GALNT18: variants seen among roughly 807,000 people sequenced by gnomAD.
GALNT18 encodes GalNAc-transferase 18.
Under a neutral mutation model 69.5 loss-of-function variants are expected in GALNT18, and 44 were observed. That is an observed-to-expected ratio of 0.63 (90% CI 0.50 to 0.81). The LOEUF (loss-of-function observed/expected upper bound fraction) is 0.81, where lower values mean the gene tolerates loss of function less well. Among genes scored for constraint, GALNT18 ranks in the 40% least tolerant of loss-of-function variants. GALNT18 has a pLI of 0.00. For missense variants in GALNT18, 715 were observed against 810.0 expected, an observed-to-expected ratio of 0.88 and a Z score of 1.42; for synonymous variants, 364 against 318.2, an observed-to-expected ratio of 1.14 and a Z score of -1.53.
rs112983916 is a variant in GALNT18 at position 11,514,166 on chromosome 11, G to A, written c.236-65230C>T. Among the ~76,000 whole-genome samples, 1,312 of 152,344 alleles carry A rather than the reference G, an allele frequency of 8.6e-3. 23 individuals are homozygous for A. The highest frequency in any genetic ancestry group is 0.03 in the African/African-American group (1,245 of 41,570). ...CCACATCACAGAAGAGGAAACTGAG[G>A]CTCAGAAACATGAAGTCACTTATCT... On this transcript the variant is annotated intron_variant, in intron 1 of 10. Transcript: ENST00000227756.
intron 2 of GALNT18, among the ~76,000 whole-genome samples, chr11:11,447,599 A>C (rs1334793715): frequency 6.6e-6 from 1 of 152,222 alleles, no homozygotes; most frequent in Admixed American, 6.5e-5. Flanking sequence ...ACAGTTCTGC[A>C]TGGCTGGGGA....
chr11:11,462,767 A>G (rs1462583925), intron 1 of GALNT18, among the ~76,000 whole-genome samples: 1 of 152,208 alleles, frequency 6.6e-6, no homozygotes, highest in Non-Finnish European at 1.5e-5. Flanking sequence ...ACCTGAAGTC[A>G]CACAGCCAGG....
At position 11,620,604 on chromosome 11, in the gene GALNT18, C is replaced by T. The variant is rs1211588772; in HGVS notation, c.235+755G>A. Among the ~76,000 whole-genome samples, 1 of 152,178 alleles carries T rather than the reference C, an allele frequency of 6.6e-6. No individual in the cohort carries two copies. The highest frequency in any genetic ancestry group is 1.5e-5 in the Non-Finnish European group (1 of 68,036). On this transcript the variant is annotated intron_variant, in intron 1 of 10. Coordinates refer to ENST00000227756, the MANE Select transcript of GALNT18 (RefSeq NM_198516.3). This position sits in a 1 kb window ranked among gnomAD's most constrained non-coding sequence, Gnocchi z 6.9. ...CTTCACCCGGTCCCGGGCGGCTCCG[C>T]GGGGAAGGCGCAGCCCAGGGCGTGT...
chr11:11,446,296 A>G (rs1232302090), intron 2 of GALNT18, among the ~76,000 whole-genome samples: 1 of 152,184 alleles, frequency 6.6e-6, no homozygotes, highest in Non-Finnish European at 1.5e-5. Flanking sequence ...TGTTATAACC[A>G]GGTTATAATC....
intron 3 of GALNT18, among the ~76,000 whole-genome samples, chr11:11,414,809 C>T (rs1183456322): frequency 6.6e-6 from 1 of 152,156 alleles, no homozygotes; most frequent in Non-Finnish European, 1.5e-5. Context: ...ATACTGTAAA[C>T]TGAGCAGCTT....
chr11:11,377,110 G>A lies in GALNT18; in HGVS notation c.977+72C>T. ...CGATGGGGCTCAAGTTGGAGAATAA[G>A]CATTGGACCAGTAGGCGGTCCCTAG... On this transcript the variant is annotated intron_variant, in intron 5 of 10. Coordinates refer to ENST00000227756, the MANE Select transcript of GALNT18 (RefSeq NM_198516.3). This position sits in a 1 kb window ranked among gnomAD's most constrained non-coding sequence, Gnocchi z 4.6. 1.4e-6 allele frequency: 2 copies of A among 1,424,660 alleles called. No individual in the cohort carries two copies. The highest frequency in any genetic ancestry group is 9.8e-7 in the Non-Finnish European group (1 of 1,018,404). 88.3% of individuals were successfully genotyped at this position (1,424,660 alleles called of 1,614,324 possible).
Position 11,617,375 on chromosome 11 carries a change from A to T in GALNT18, c.235+3984T>A, listed in dbSNP as rs1182073533. Among the ~76,000 whole-genome samples, 1 of 152,212 alleles carries T rather than the reference A, an allele frequency of 6.6e-6. No homozygotes were observed. Among genetic ancestry groups the T allele is most frequent in the Non-Finnish European group, 1.5e-5 (1 of 68,044 alleles). ...CATACTCCTGTAGAGTGTCTCTAGT[A>T]TACAGTTCACCACTGTAATCACTTT... On this transcript the variant is annotated intron_variant, in intron 1 of 10. Transcript: ENST00000227756. The surrounding 1 kb of genome is among the most constrained non-coding windows in gnomAD (Gnocchi z 4.7).
intron 3 of GALNT18, among the ~76,000 whole-genome samples, chr11:11,414,342 G>T (rs1854802854): frequency 6.6e-6 from 1 of 152,170 alleles, no homozygotes; most frequent in Admixed American, 6.5e-5. Flanking sequence ...AGTCCCACAT[G>T]ACAAGGCCAC....
intron 1 of GALNT18, among the ~76,000 whole-genome samples, chr11:11,468,960 GGGCT>G (rs1056435559): frequency 2.0e-5 from 3 of 151,962 alleles, no homozygotes; most frequent in African/African-American, 4.8e-5. Context: ...ATTGCACATG[GGGCT>G]GGCTGGCTGG....
chr11:11,416,831 C>T (rs900487722), intron 3 of GALNT18, among the ~76,000 whole-genome samples: 3 of 152,278 alleles, frequency 2.0e-5, no homozygotes, highest in Middle Eastern at 3.4e-3. Flanking sequence ...CGAGCCATGG[C>T]ACCTCAAAAT....
chr11:11,439,702 G>A lies in GALNT18; in HGVS notation c.429-6915C>T, dbSNP rs553646144. Among the ~76,000 whole-genome samples, 1 of 152,332 alleles carries A rather than the reference G, an allele frequency of 6.6e-6. No individual in the cohort carries two copies. The highest frequency in any genetic ancestry group is 2.1e-4 in the South Asian group (1 of 4,830). On this transcript the variant is annotated intron_variant, in intron 2 of 10. Transcript: ENST00000227756. This position sits in a 1 kb window ranked among gnomAD's most constrained non-coding sequence, Gnocchi z 4.4. ...AGTAGAAATTCAGAATGCACCTGGTGATGGGCTGAGTGAACACATGAATAA... is the reference window on the plus strand; with the variant it reads ...AGTAGAAATTCAGAATGCACCTGGTAATGGGCTGAGTGAACACATGAATAA...
At chr11:11,407,444 A>C (rs1200017492) in intron 3 of GALNT18, among the ~76,000 whole-genome samples, 1 of 152,234 alleles carries the variant, frequency 6.6e-6, no homozygotes, top group Non-Finnish European at 1.5e-5. Flanking sequence ...CACCGCTGAG[A>C]CACAGCCTGT....
chr11:11,392,312 A>C (rs985781946), intron 3 of GALNT18, among the ~76,000 whole-genome samples: 11 of 152,360 alleles, frequency 7.2e-5, no homozygotes, highest in African/African-American at 2.6e-4. Context: ...TGATGGGCCC[A>C]CTGGTAAGCC....
chr11:11,416,128 G>A (rs762896058), intron 3 of GALNT18, among the ~76,000 whole-genome samples: 1 of 152,156 alleles, frequency 6.6e-6, no homozygotes, highest in Admixed American at 6.5e-5. Context: ...AGAGGAAGTG[G>A]GCCTGTGAAT....
intron 10 of GALNT18, among the ~76,000 whole-genome samples, chr11:11,281,503 G>A (rs991895024): frequency 2.6e-5 from 4 of 152,144 alleles, no homozygotes; most frequent in Non-Finnish European, 5.9e-5. Context: ...CCTTGGGGCC[G>A]GCCCAGGCCT....
At position 11,444,131 on chromosome 11, in the gene GALNT18, G is replaced by A. The variant is rs914130635; in HGVS notation, c.428+4613C>T. Among the ~76,000 whole-genome samples the A allele has an allele frequency of 2.0e-5, 3 of 151,830 alleles. No individual in the cohort carries two copies. The highest frequency in any genetic ancestry group is 2.9e-5 in the Non-Finnish European group (2 of 67,954). On this transcript the variant is annotated intron_variant, in intron 2 of 10. Coordinates refer to ENST00000227756, the MANE Select transcript of GALNT18 (RefSeq NM_198516.3). The surrounding 1 kb of genome is among the most constrained non-coding windows in gnomAD (Gnocchi z 4.4). ...ACTCTCCCCAGGGAAGCCGGCACAG[G>A]GAGGTGCCTTGCAGATGCCACCCTC...
rs905173010 is a variant in GALNT18, at chr11:11,573,195, A to T, written c.235+48164T>A. ...TCCAGAGAGCATGTTCATGTTCATT[A>T]TGGTGGGCGGCCTTGACTCATACTT... On this transcript the variant is annotated intron_variant, in intron 1 of 10. Coordinates refer to ENST00000227756, the MANE Select transcript of GALNT18 (RefSeq NM_198516.3). This position sits in a 1 kb window ranked among gnomAD's most constrained non-coding sequence, Gnocchi z 4.6. 1.3e-5 allele frequency among the ~76,000 whole-genome samples: 2 copies of T among 152,078 alleles called. No homozygotes were observed. Among genetic ancestry groups the T allele is most frequent in the African/African-American group, 4.8e-5 (2 of 41,400 alleles).
intron 3 of GALNT18, among the ~76,000 whole-genome samples, chr11:11,392,606 C>T (rs559863258): frequency 1.3e-5 from 2 of 152,168 alleles, no homozygotes; most frequent in South Asian, 2.1e-4. Context: ...GCGACAAAAG[C>T]GAAACTCCTT....
chr11:11,309,133 G>T lies in GALNT18; in HGVS notation c.1513-15940C>A, dbSNP rs1015116357. On this transcript the variant is annotated intron_variant, in intron 9 of 10. Coordinates refer to ENST00000227756, the MANE Select transcript of GALNT18 (RefSeq NM_198516.3). This position sits in a 1 kb window ranked among gnomAD's most constrained non-coding sequence, Gnocchi z 4.6. ...GATTAGTGCCATCATCAAGGGAATG[G>T]GTTCCTTGTAAAAGGACAAGTTTAG... 2.0e-5 allele frequency among the ~76,000 whole-genome samples: 3 copies of T among 152,090 alleles called. No individual in the cohort carries two copies. The highest frequency in any genetic ancestry group is 7.2e-5 in the African/African-American group (3 of 41,396).
Sources: allele counts gnomAD v4.1 joint callset (sites outside exome capture counted in the v4.1 genomes callset), GRCh38; gene constraint gnomAD v4.1.1; non-coding constraint Gnocchi (gnomAD v3.1); transcripts MANE v1.5; gene names NCBI Gene and HGNC (gene_info 2026-07-23, HGNC 2026-07-21).